Variants in UBE2D4 observed in about 807,000 individuals in gnomAD.
UBE2D4 encodes the protein ubiquitin conjugating enzyme E2 D4.
In UBE2D4, 17 loss-of-function variants were observed where a neutral mutation model predicts 23.0. That is an observed-to-expected ratio of 0.74 (90% CI 0.51 to 1.11). The LOEUF is 1.11. Ranked by LOEUF, UBE2D4 falls within the 50% of genes least tolerant of loss-of-function variation. The pLI, the probability that UBE2D4 is intolerant of heterozygous loss-of-function variation, is 0.00. For synonymous variants in UBE2D4, 61 were observed against 69.4 expected (o/e 0.88, Z 0.60); for missense variants, 139 against 181.8 (o/e 0.76, Z 1.35).
chr7:43,933,661 T>C (rs2095952119), intron 1 of UBE2D4, among the ~76,000 whole-genome samples: 1 of 152,116 alleles, frequency 6.6e-6, no homozygotes, highest in African/African-American at 2.4e-5. Flanking sequence ...CCAGAATTGC[T>C]TGAACCCAGT....
intron 1 of UBE2D4, among the ~76,000 whole-genome samples, chr7:43,929,779 A>G (rs1451317770): frequency 6.6e-6 from 1 of 152,216 alleles, no homozygotes; most frequent in African/African-American, 2.4e-5. Flanking sequence ...ACATTTTCAC[A>G]TTCACAAGGC....
chr7:43,932,620 C>T (rs1033484461), intron 1 of UBE2D4, among the ~76,000 whole-genome samples: 3 of 151,962 alleles, frequency 2.0e-5, no homozygotes, highest in African/African-American at 7.3e-5. Context: ...TGGCAAAACC[C>T]TGTCTCTCCT....
rs201003416 is a variant in UBE2D4 at position 43,953,317 on chromosome 7, G to A, written c.*622G>A. 15 of 409,588 alleles carry A rather than the reference G, an allele frequency of 3.7e-5. No homozygotes were observed. In the East Asian group the frequency reaches 1.1e-3, roughly 29 times the overall value. 25.4% of individuals were successfully genotyped at this position (409,588 alleles called of 1,614,324 possible). ...CGCCTCACACCAAGAAGCAGCAAGT[G>A]GAAAATTTCAGGATACAAAGCACAT... is the stretch of plus-strand genomic sequence containing the variant. On this transcript the variant is annotated 3_prime_UTR_variant, in exon 7 of 7. Coordinates refer to ENST00000222402, the MANE Select transcript of UBE2D4 (RefSeq NM_015983.4).
At chr7:43,934,468 G>GA (rs35638313) in intron 1 of UBE2D4, among the ~76,000 whole-genome samples, 1 of 85,366 alleles carries the variant, frequency 1.2e-5, no homozygotes, top group Admixed American at 1.1e-4. Flanking sequence ...TTTTTTTTTT[G>GA]TATTCATGAA....
At chr7:43,943,126 G>A (rs1216432182) in intron 4 of UBE2D4, 95 bp downstream of exon 4, 40 of 1,284,344 alleles carry the variant, frequency 3.1e-5, no homozygotes, top group Admixed American at 1.0e-4. Flanking sequence ...AGAGCTGTAC[G>A]TGGGGTTTCT....
In UBE2D4 at chr7:43,954,962, C is replaced by T. The variant is rs2096010449; in HGVS notation, c.*2267C>T. The T allele has an allele frequency of 6.6e-6, 1 of 152,192 alleles. No homozygotes were observed. Among genetic ancestry groups the T allele is most frequent in the East Asian group, 1.9e-4 (1 of 5,202 alleles). 9.4% of individuals were successfully genotyped at this position (152,192 alleles called of 1,614,324 possible). A position where few individuals can be genotyped will look rare whatever the true frequency, so the allele number is the denominator to read the frequency against. Reference sequence around the variant, plus strand: ...TGAGTCCAGACAAAATTTCCCCAAGCCTGCTCTCTCTGTTGGATATACATA... The same window carrying T: ...TGAGTCCAGACAAAATTTCCCCAAGTCTGCTCTCTCTGTTGGATATACATA... On this transcript the variant is annotated 3_prime_UTR_variant, in exon 7 of 7. Transcript: ENST00000222402.
intron 2 of UBE2D4, among the ~76,000 whole-genome samples, chr7:43,939,533 G>A (rs998809231): frequency 6.6e-6 from 1 of 152,210 alleles, no homozygotes. Context: ...AAAATAGGTG[G>A]GGAGGGGAGA....
chr7:43,952,991 G>C lies in UBE2D4; in HGVS notation c.*296G>C, dbSNP rs1384385407. ...CCTCAGTTTGTCTGCTGGTCTCTTG[G>C]GGGGCCAGGCCCTGCACGTCTCTCC... On this transcript the variant is annotated 3_prime_UTR_variant, in exon 7 of 7. Coordinates refer to ENST00000222402, the MANE Select transcript of UBE2D4 (RefSeq NM_015983.4). 1.5e-5 allele frequency: 6 copies of C among 402,972 alleles called. No individual in the cohort carries two copies. Among genetic ancestry groups the C allele is most frequent in the East Asian group, 5.8e-5 (1 of 17,112 alleles). 25.0% of individuals were successfully genotyped at this position (402,972 alleles called of 1,614,324 possible).
At chr7:43,929,543 A>C (rs912334072) in intron 1 of UBE2D4, among the ~76,000 whole-genome samples, 6 of 152,012 alleles carry the variant, frequency 3.9e-5, no homozygotes, top group African/African-American at 1.4e-4. Context: ...TGAGCCCAGG[A>C]GGTCAAGGCT....
intron 5 of UBE2D4, among the ~76,000 whole-genome samples, chr7:43,950,279 G>A (rs1190891687): frequency 6.6e-6 from 1 of 152,168 alleles, no homozygotes; most frequent in Non-Finnish European, 1.5e-5. Context: ...AATGCCAGAG[G>A]TTCATGATGT....
chr7:43,936,417 C>G (rs2095958879), intron 1 of UBE2D4, among the ~76,000 whole-genome samples: 1 of 152,112 alleles, frequency 6.6e-6, no homozygotes, highest in South Asian at 2.1e-4. Context: ...CGGAACTTCT[C>G]ACTTTTATCA....
chr7:43,952,263 G>A (rs372077667), intron 6 of UBE2D4: 3 of 214,764 alleles, frequency 1.4e-5, no homozygotes, highest in Admixed American at 1.0e-4. Context: ...CCAAGCCCTT[G>A]TTCTGGAGTT....
At chr7:43,938,126 G>C (rs943524093) in intron 1 of UBE2D4, among the ~76,000 whole-genome samples, 2 of 152,128 alleles carry the variant, frequency 1.3e-5, no homozygotes, top group African/African-American at 4.8e-5. Context: ...GCTAGGCTTG[G>C]GGGTAAGGCA....
intron 1 of UBE2D4, among the ~76,000 whole-genome samples, chr7:43,932,525 G>T (rs2095948164): frequency 6.6e-6 from 1 of 152,128 alleles, no homozygotes; most frequent in South Asian, 2.1e-4. Context: ...AAGCAGGGTG[G>T]CTCACGCCTG....
At chr7:43,937,460 C>A (rs1032522319) in intron 1 of UBE2D4, among the ~76,000 whole-genome samples, 4 of 152,210 alleles carry the variant, frequency 2.6e-5, no homozygotes, top group African/African-American at 9.6e-5. Flanking sequence ...ACTCCTAATG[C>A]TGCTTCCTGA....
At chr7:43,933,013 T>TATATATATACATAC (rs1340458201) in intron 1 of UBE2D4, among the ~76,000 whole-genome samples, 2 of 116,644 alleles carry the variant, frequency 1.7e-5, no homozygotes, top group East Asian at 2.7e-4. Context: ...TATATATATA[T>TATATATATACATAC]ACACACACAT....
At chr7:43,936,170 G>A (rs1353239692) in intron 1 of UBE2D4, among the ~76,000 whole-genome samples, 1 of 152,154 alleles carries the variant, frequency 6.6e-6, no homozygotes, top group Non-Finnish European at 1.5e-5. Context: ...ACTGTACACA[G>A]CCTGATAAAA....
intron 1 of UBE2D4, among the ~76,000 whole-genome samples, chr7:43,937,577 A>G (rs911137314): frequency 3.9e-5 from 6 of 152,164 alleles, no homozygotes; most frequent in African/African-American, 1.4e-4. Context: ...TTAAAGATCA[A>G]CCCTCGGGGA....
intron 1 of UBE2D4, chr7:43,928,182 C>T (rs1394317274): frequency 1.2e-5 from 4 of 325,188 alleles, no homozygotes; most frequent in Non-Finnish European, 2.5e-5. Flanking sequence ...ATAGAGTGAG[C>T]ACTCACTTAT....
Sources: gnomAD v4.1 joint callset for allele counts (sites outside exome capture counted in the v4.1 genomes callset) on GRCh38, gnomAD v4.1.1 for gene constraint, MANE v1.5 for transcripts, NCBI Gene and HGNC (gene_info 2026-07-23, HGNC 2026-07-21) for gene names.